Variants in KLF1 observed in about 807,000 individuals in gnomAD.
The protein encoded by KLF1 is KLF transcription factor 1.
In KLF1, 29 loss-of-function variants were observed where a neutral mutation model predicts 28.0. That is an observed-to-expected ratio of 1.04 (90% confidence interval 0.77 to 1.41). KLF1 has a LOEUF of 1.41. KLF1 is among the 40% of genes most tolerant of loss of function. The pLI is 0.00. For synonymous variants in KLF1, 262 were observed against 242.6 expected (o/e 1.08, Z -0.74); for missense variants, 508 against 515.1 (o/e 0.99, Z 0.13).
Position 12,884,805 on chromosome 19 carries a change from G to A in KLF1, c.*80C>T. 1 of 1,480,388 alleles carries A rather than the reference G, an allele frequency of 6.8e-7. No homozygotes were observed. Among genetic ancestry groups the A allele is most frequent in the East Asian group, 2.3e-5 (1 of 44,246 alleles). The allele number at this position is 1,480,388 out of a possible 1,614,324, so 91.7% of individuals were successfully genotyped here. A position where few individuals can be genotyped will look rare whatever the true frequency, so the allele number is the denominator to read the frequency against. On this transcript the variant is annotated 3_prime_UTR_variant, in exon 3 of 3. Coordinates refer to ENST00000264834, the MANE Select transcript of KLF1 (RefSeq NM_006563.5). ...AAAACCACCCAGCATTGTGTCACGC[G>A]CGTCCGTGTGAAGAGACCACCAAAC...
chr19:12,885,324 C>A lies in KLF1; in HGVS notation c.906G>T (p.Thr302=), dbSNP rs1016406364. The A allele has an allele frequency of 3.2e-6, 5 of 1,585,574 alleles. No individual in the cohort carries two copies. The Admixed American group carries it at 5.3e-5, about 17-fold the overall frequency. ...KSSHLKAHLR[T]HTGEKPYACT... is the part of the protein sequence containing the mutation. The stretch of plus-strand genomic sequence containing the variant: ...GGGGCCCCGCCCCCTCACCTGTGTG[C>A]GTGCGCAGATGCGCCTTCAGGTGGG... Residue 302 remains threonine, a synonymous_variant, in exon 2 of 3, where the codon ACG becomes ACT. Transcript: ENST00000264834. The surrounding 1 kb of genome is among the most constrained non-coding windows in gnomAD (Gnocchi z 5.6).
At chr19:12,886,995 C>T in intron 1 of KLF1, 59 bp downstream of exon 1, 1 of 1,545,282 alleles carries the variant, frequency 6.5e-7, no homozygotes, top group Non-Finnish European at 8.9e-7. Context: ...ACCCCAAGAT[C>T]TGTGACTGTG....
Position 12,885,872 on chromosome 19 carries a change from G to A in KLF1, c.358C>T (p.Pro120Ser), listed in dbSNP as rs1188078419. 26 of 1,552,168 alleles carry A rather than the reference G, an allele frequency of 1.7e-5. No homozygotes were observed. Among genetic ancestry groups the A allele is most frequent in the Non-Finnish European group, 2.3e-5 (26 of 1,148,012 alleles). ...CCCAAAAGCCCAGCCACCAGCCCCG[G>A]GCCGCCAGCATATGCGCCCAGAGTC... Reference protein sequence around the residue: ...PETLGAYAGGPGLVAGLLGSE... With the variant: ...PETLGAYAGGSGLVAGLLGSE... Residue 120 changes from proline to serine, a missense_variant, in exon 2 of 3, where the codon CCG becomes TCG. Pro to Ser is a moderately conservative substitution (Grantham distance 74). Coordinates refer to ENST00000264834, the MANE Select transcript of KLF1 (RefSeq NM_006563.5). The surrounding 1 kb of genome is among the most constrained non-coding windows in gnomAD (Gnocchi z 5.6).
At position 12,887,078 on chromosome 19, in the gene KLF1, C is replaced by G; in HGVS notation, c.63G>C (p.Pro21=). The G allele has an allele frequency of 3.1e-6, 5 of 1,614,126 alleles. No individual in the cohort carries two copies. The highest frequency in any genetic ancestry group is 4.2e-6 in the Non-Finnish European group (5 of 1,180,012). The change falls in exon 1 of 3, where the codon CCG becomes CCC. Residue 21 remains proline, a synonymous_variant. Transcript: ENST00000264834. The surrounding 1 kb of genome is among the most constrained non-coding windows in gnomAD (Gnocchi z 4.7). ...ISTLTALGPF[P]DTQDDFLKWW... ...CCTTGAGGAAGTCATCCTGTGTGTC[C>G]GGGAAGGGGCCCAGGGCGGTCAGTG... is the stretch of plus-strand genomic sequence containing the variant.
intron 1 of KLF1, among the ~76,000 whole-genome samples, chr19:12,886,462 A>G (rs1970450791): frequency 6.6e-6 from 1 of 152,082 alleles, no homozygotes; most frequent in South Asian, 2.1e-4. Context: ...AGAGGATGCC[A>G]GCCTTGACTT....
Position 12,885,383 on chromosome 19 carries a change from G to A in KLF1, c.847C>T (p.His283Tyr). ...GTGTAGCTCTTGCCGCAACCCGGGT[G>A]CGCGCACGTGTGCGCTGCCTGCCTC... Reference protein sequence around the residue: ...RKRQAAHTCAHPGCGKSYTKS... With the variant: ...RKRQAAHTCAYPGCGKSYTKS... Residue 283 changes from histidine (H) to tyrosine (Y), a missense_variant, in exon 2 of 3, where the codon CAC becomes TAC. By Grantham distance (83) the His-to-Tyr change is moderately conservative. Coordinates refer to ENST00000264834, the MANE Select transcript of KLF1 (RefSeq NM_006563.5). This position sits in a 1 kb window ranked among gnomAD's most constrained non-coding sequence, Gnocchi z 5.6. 1 of 1,605,872 alleles carries A rather than the reference G, an allele frequency of 6.2e-7. No homozygotes were observed. Among genetic ancestry groups the A allele is most frequent in the Non-Finnish European group, 8.5e-7 (1 of 1,176,814 alleles).
chr19:12,886,019 C>T lies in KLF1; in HGVS notation c.211G>A (p.Ala71Thr). 1 of 1,601,686 alleles carries T rather than the reference C, an allele frequency of 6.2e-7. No homozygotes were observed. Among genetic ancestry groups the T allele is most frequent in the Non-Finnish European group, 8.5e-7 (1 of 1,175,078 alleles). Residue 71 changes from alanine (A) to threonine (T), a missense_variant, in exon 2 of 3, where the codon GCC (alanine) becomes ACC (threonine). Transcript: ENST00000264834. ...AGGAGGAGATCCAGGTCCCAGGTGGCGTCCGCGCCCCTCTCATCGTCCTCT... is the reference window on the plus strand; with the variant it reads ...AGGAGGAGATCCAGGTCCCAGGTGGTGTCCGCGCCCCTCTCATCGTCCTCT... Reference protein sequence around the residue: ...EEEDDERGADATWDLDLLLTN... With the variant: ...EEEDDERGADTTWDLDLLLTN...
rs1207723817 is a variant in KLF1, at chr19:12,885,274, G to T, written c.913+43C>A. On this transcript the variant is annotated intron_variant, in intron 2 of 2. Transcript: ENST00000264834. The surrounding 1 kb of genome is among the most constrained non-coding windows in gnomAD (Gnocchi z 5.6). ...ACCCTTCTTCCCCTGTAACTACAGC[G>T]GGCGCCGCGCCCTTTCTCATGTCCG... 3.3e-6 allele frequency: 5 copies of T among 1,512,178 alleles called. No homozygotes were observed. The Admixed American group carries it at 5.9e-5, about 18-fold the overall frequency. The allele number at this position is 1,512,178 out of a possible 1,614,324, so 93.7% of individuals were successfully genotyped here.
Position 12,885,979 on chromosome 19 carries a change from C to A in KLF1, c.251G>T (p.Gly84Val). The change falls in exon 2 of 3, where the codon GGC becomes GTC. Residue 84 changes from glycine (G) to valine (V), a missense_variant. Physicochemically the swap from Gly to Val is moderately radical, Grantham distance 109 (BLOSUM62 -3). Transcript: ENST00000264834. The surrounding 1 kb of genome is among the most constrained non-coding windows in gnomAD (Gnocchi z 5.6). Reference sequence around the variant, plus strand: ...CTGGGGCGCGCCACCGGGCTCCGGGCCCGAGAAGTTGGTGAGGAGGAGATC... The same window carrying A: ...CTGGGGCGCGCCACCGGGCTCCGGGACCGAGAAGTTGGTGAGGAGGAGATC... ...DLDLLLTNFS[G>V]PEPGGAPQTC... 2 of 1,586,500 alleles carry A rather than the reference C, an allele frequency of 1.3e-6. No individual in the cohort carries two copies. The highest frequency in any genetic ancestry group is 1.1e-5 in the South Asian group (1 of 87,562).
In KLF1 at chr19:12,885,857, C is replaced by G; in HGVS notation, c.373G>C (p.Gly125Arg). 2 of 1,551,838 alleles carry G rather than the reference C, an allele frequency of 1.3e-6. No homozygotes were observed. The highest frequency in any genetic ancestry group is 1.7e-6 in the Non-Finnish European group (2 of 1,147,908). Reference sequence around the variant, plus strand: ...GAGTGATCCTCCGAACCCAAAAGCCCAGCCACCAGCCCCGGGCCGCCAGCA... The same window carrying G: ...GAGTGATCCTCCGAACCCAAAAGCCGAGCCACCAGCCCCGGGCCGCCAGCA... ...AYAGGPGLVA[G>R]LLGSEDHSGW... The change falls in exon 2 of 3, where the codon GGG becomes CGG. Residue 125 changes from glycine (G) to arginine (R), a missense_variant. Physicochemically the swap from Gly to Arg is moderately radical, Grantham distance 125. Transcript: ENST00000264834. This position sits in a 1 kb window ranked among gnomAD's most constrained non-coding sequence, Gnocchi z 5.6.
chr19:12,886,878 C>A (rs1970454887), intron 1 of KLF1, among the ~76,000 whole-genome samples, 176 bp downstream of exon 1: 1 of 152,160 alleles, frequency 6.6e-6, no homozygotes, highest in Non-Finnish European at 1.5e-5. Flanking sequence ...AACCCCTAGA[C>A]CACCCTCCTC....
rs1000761870 is a variant in KLF1, at chr19:12,885,252, C to A, written c.913+65G>T. On this transcript the variant is annotated intron_variant, in intron 2 of 2. Coordinates refer to ENST00000264834, the MANE Select transcript of KLF1 (RefSeq NM_006563.5). This position sits in a 1 kb window ranked among gnomAD's most constrained non-coding sequence, Gnocchi z 5.6. Reference sequence around the variant, plus strand: ...AGTCCAAGTCCCGCCCTCTGCAACCCTTCTTCCCCTGTAACTACAGCGGGC... The same window carrying A: ...AGTCCAAGTCCCGCCCTCTGCAACCATTCTTCCCCTGTAACTACAGCGGGC... 6.9e-7 allele frequency: 1 copy of A among 1,458,622 alleles called. No individual in the cohort carries two copies. The highest frequency in any genetic ancestry group is 9.3e-7 in the Non-Finnish European group (1 of 1,071,284). 90.4% of individuals were successfully genotyped at this position (1,458,622 alleles called of 1,614,324 possible).
chr19:12,884,951 G>A lies in KLF1; in HGVS notation c.1023C>T (p.Cys341=). 1 of 1,613,868 alleles carries A rather than the reference G, an allele frequency of 6.2e-7. No individual in the cohort carries two copies. The highest frequency in any genetic ancestry group is 8.5e-7 in the Non-Finnish European group (1 of 1,180,044). ...GCGAAAAAGCACGTGGGCAGAGCTG[G>A]CAGCGGAAGGGGCGCTGCCCCGTGT... ...RKHTGQRPFR[C]QLCPRAFSRS... is the part of the protein sequence containing the mutation. The change falls in exon 3 of 3, where the codon TGC becomes TGT. Residue 341 remains cysteine (C), a synonymous_variant. Transcript: ENST00000264834.
chr19:12,886,823 T>C (rs1275757585), intron 1 of KLF1, among the ~76,000 whole-genome samples: 1 of 152,130 alleles, frequency 6.6e-6, no homozygotes, highest in Admixed American at 6.5e-5. Flanking sequence ...TTGCCCAGGC[T>C]ACCTTCGTTT....
Position 12,885,821 on chromosome 19 carries a change from G to A in KLF1, c.409C>T (p.Arg137Cys), listed in dbSNP as rs111888566. Residue 137 changes from arginine to cysteine, a missense_variant, in exon 2 of 3, where the codon CGC (arginine) becomes TGC (cysteine). Physicochemically the swap from Arg to Cys is radical, Grantham distance 180. Transcript: ENST00000264834. This position sits in a 1 kb window ranked among gnomAD's most constrained non-coding sequence, Gnocchi z 5.6. ...GGAGCCCGGGCTCGCAGGGCAGGGCGCACCCAACCCGAGTGATCCTCCGAA... is the reference window on the plus strand; with the variant it reads ...GGAGCCCGGGCTCGCAGGGCAGGGCACACCCAACCCGAGTGATCCTCCGAA... ...LGSEDHSGWV[R>C]PALRARAPDA... 7 of 1,548,826 alleles carry A rather than the reference G, an allele frequency of 4.5e-6. No homozygotes were observed. The highest frequency in any genetic ancestry group is 4.1e-5 in the African/African-American group (3 of 72,954).
chr19:12,885,796 G>A lies in KLF1; in HGVS notation c.434C>T (p.Pro145Leu). 3 of 1,544,076 alleles carry A rather than the reference G, an allele frequency of 1.9e-6. No homozygotes were observed. In the South Asian group the frequency reaches 3.6e-5, roughly 18 times the overall value. ...CAGGGCTGGGCCCACGAAGGCGTCG[G>A]GAGCCCGGGCTCGCAGGGCAGGGCG... is the stretch of plus-strand genomic sequence containing the variant. Reference protein sequence around the residue: ...WVRPALRARAPDAFVGPALAP... With the variant: ...WVRPALRARALDAFVGPALAP... Residue 145 changes from proline to leucine, a missense_variant, in exon 2 of 3, where the codon CCC becomes CTC. Coordinates refer to ENST00000264834, the MANE Select transcript of KLF1 (RefSeq NM_006563.5). The surrounding 1 kb of genome is among the most constrained non-coding windows in gnomAD (Gnocchi z 5.6).
In KLF1 at chr19:12,884,513, C is replaced by T; in HGVS notation, c.*372G>A. On this transcript the variant is annotated 3_prime_UTR_variant, in exon 3 of 3. Coordinates refer to ENST00000264834, the MANE Select transcript of KLF1 (RefSeq NM_006563.5). ...GACCTTCAGGAGCCGCTTTCTAGACCCAGGGTCTCTGGGAAGCCTCATCCC... is the reference window on the plus strand; with the variant it reads ...GACCTTCAGGAGCCGCTTTCTAGACTCAGGGTCTCTGGGAAGCCTCATCCC... 3.7e-6 allele frequency: 1 copy of T among 269,386 alleles called. No individual in the cohort carries two copies. The highest frequency in any genetic ancestry group is 7.2e-6 in the Non-Finnish European group (1 of 137,992). The allele number at this position is 269,386 out of a possible 1,614,324, so 16.7% of individuals were successfully genotyped here.
chr19:12,885,748 G>A lies in KLF1; in HGVS notation c.482C>T (p.Pro161Leu). ...CACCGGTTGCAGCGCCAGCGCCTTG[G>A]GCTCGGGGGCCGGGGCTGGAGCCAG... ...PALAPAPAPE[P>L]KALALQPVYP... is the part of the protein sequence containing the mutation. Residue 161 changes from proline to leucine, a missense_variant, in exon 2 of 3, where the codon CCC becomes CTC. Coordinates refer to ENST00000264834, the MANE Select transcript of KLF1 (RefSeq NM_006563.5). The surrounding 1 kb of genome is among the most constrained non-coding windows in gnomAD (Gnocchi z 5.6). 6.6e-7 allele frequency: 1 copy of A among 1,508,100 alleles called. No individual in the cohort carries two copies. The highest frequency in any genetic ancestry group is 1.3e-5 in the South Asian group (1 of 78,506). The allele number at this position is 1,508,100 out of a possible 1,614,324, so 93.4% of individuals were successfully genotyped here.
Position 12,885,772 on chromosome 19 carries a change from A to G in KLF1, c.458T>C (p.Leu153Pro). ...GGGCTCGGGGGCCGGGGCTGGAGCC[A>G]GGGCTGGGCCCACGAAGGCGTCGGG... ...RAPDAFVGPA[L>P]APAPAPEPKA... The change falls in exon 2 of 3, where the codon CTG becomes CCG. Residue 153 changes from leucine (L) to proline (P), a missense_variant. Transcript: ENST00000264834. The surrounding 1 kb of genome is among the most constrained non-coding windows in gnomAD (Gnocchi z 5.6). The G allele has an allele frequency of 1.3e-6, 2 of 1,533,400 alleles. No homozygotes were observed. The highest frequency in any genetic ancestry group is 1.8e-6 in the Non-Finnish European group (2 of 1,141,036). 95.0% of individuals were successfully genotyped at this position (1,533,400 alleles called of 1,614,324 possible).
Sources: allele counts gnomAD v4.1 joint callset (sites outside exome capture counted in the v4.1 genomes callset), GRCh38; gene constraint gnomAD v4.1.1; non-coding constraint Gnocchi (gnomAD v3.1); transcripts MANE v1.5; gene names NCBI Gene and HGNC (gene_info 2026-07-23, HGNC 2026-07-21).